Variants in CATSPERE observed in about 807,000 individuals in gnomAD.
The protein encoded by CATSPERE is cation channel sperm-associated auxiliary subunit epsilon.
Under a neutral mutation model 114.1 loss-of-function variants are expected in CATSPERE, and 93 were observed. The observed-to-expected ratio is 0.81, with a 90% CI of 0.69 to 0.97. CATSPERE has a LOEUF of 0.97. Among genes scored for constraint, CATSPERE ranks in the 50% least tolerant of loss-of-function variants. CATSPERE has a pLI of 0.00. For missense variants in CATSPERE, 1,058 were observed against 1,131.6 expected (o/e 0.93, Z 0.93); for synonymous variants, 341 against 384.1 (o/e 0.89, Z 1.31).
intron 17 of CATSPERE, among the ~76,000 whole-genome samples, chr1:244,604,546 G>C (rs990125565): frequency 3.3e-5 from 5 of 152,234 alleles, no homozygotes; most frequent in Non-Finnish European, 7.3e-5. Context: ...GATAGACACA[G>C]AGCAGTGAGT....
chr1:244,587,394 C>A (rs1426962036), intron 13 of CATSPERE, among the ~76,000 whole-genome samples: 1 of 152,206 alleles, frequency 6.6e-6, no homozygotes, highest in Non-Finnish European at 1.5e-5. Context: ...TTTTCCATAT[C>A]AAATGCCCTT....
At chr1:244,458,336 G>C (rs1486424943), upstream of CATSPERE, among the ~76,000 whole-genome samples, 1 of 151,996 alleles carries the variant, frequency 6.6e-6, no homozygotes, top group Non-Finnish European at 1.5e-5. Context: ...TAATGGTTAT[G>C]TAAAATTGTT....
At chr1:244,467,375 T>C (rs993676745) in intron 2 of CATSPERE, among the ~76,000 whole-genome samples, 2 of 152,122 alleles carry the variant, frequency 1.3e-5, no homozygotes, top group African/African-American at 4.8e-5. Flanking sequence ...AGCAAACTTA[T>C]GAAAAATTAG....
At chr1:244,497,409 A>C (rs550395371) in intron 6 of CATSPERE, among the ~76,000 whole-genome samples, 6 of 152,340 alleles carry the variant, frequency 3.9e-5, no homozygotes, top group African/African-American at 9.6e-5. Context: ...AATCCAACAA[A>C]AAAAAAATGA....
chr1:244,528,825 A>ACACACACACACACACACACT (rs1471635883), intron 8 of CATSPERE, among the ~76,000 whole-genome samples: 12 of 147,280 alleles, frequency 8.1e-5, no homozygotes, highest in African/African-American at 3.0e-4. Context: ...ACACACACAC[A>ACACACACACACACACACACT]CTCTACTCTT....
chr1:244,545,645 G>A (rs1184707475), intron 8 of CATSPERE, among the ~76,000 whole-genome samples: 2 of 152,166 alleles, frequency 1.3e-5, no homozygotes, highest in African/African-American at 4.8e-5. Context: ...TTGGGCTTTA[G>A]CAGAGACCGA....
Position 244,607,711 on chromosome 1 carries a change from G to A in CATSPERE, c.2403+1917G>A, listed in dbSNP as rs1467692267. On this transcript the variant is annotated intron_variant, in intron 18 of 21. Coordinates refer to ENST00000366534, the MANE Select transcript of CATSPERE (RefSeq NM_001130957.2). This position sits in a 1 kb window ranked among gnomAD's most constrained non-coding sequence, Gnocchi z 4.4. ...GTAGATGAGAGCTGGAATGCAAGGA[G>A]CCACTACACATTTTTAAAAGCCTTG... is the stretch of plus-strand genomic sequence containing the variant. 6.6e-6 allele frequency among the ~76,000 whole-genome samples: 1 copy of A among 152,236 alleles called. No homozygotes were observed. Among genetic ancestry groups the A allele is most frequent in the Non-Finnish European group, 1.5e-5 (1 of 68,044 alleles).
At chr1:244,543,129 T>G (rs1659133881) in intron 8 of CATSPERE, among the ~76,000 whole-genome samples, 1 of 152,188 alleles carries the variant, frequency 6.6e-6, no homozygotes, top group South Asian at 2.1e-4. Flanking sequence ...CCATCCCACT[T>G]CTAAGTGTGT....
At chr1:244,462,728 A>G (rs1667006383) in intron 1 of CATSPERE, among the ~76,000 whole-genome samples, 1 of 152,176 alleles carries the variant, frequency 6.6e-6, no homozygotes. Context: ...TATATACAGA[A>G]AATGTGTTTC....
At chr1:244,501,207 A>G (rs1033303713) in intron 7 of CATSPERE, among the ~76,000 whole-genome samples, 2 of 152,220 alleles carry the variant, frequency 1.3e-5, no homozygotes, top group African/African-American at 2.4e-5. Flanking sequence ...GGGGCTGACC[A>G]TTAAGGTGCT....
chr1:244,591,800 T>C, intron 15 of CATSPERE, 69 bp downstream of exon 15: 1 of 940,728 alleles, frequency 1.1e-6, no homozygotes, highest in Non-Finnish European at 1.7e-6. Context: ...CAATCAGTAC[T>C]TATTCAGTGG....
chr1:244,624,741 G>C (rs1159400264), intron 20 of CATSPERE, among the ~76,000 whole-genome samples: 1 of 151,998 alleles, frequency 6.6e-6, no homozygotes, highest in Non-Finnish European at 1.5e-5. Context: ...GGCAGAGGCT[G>C]CAGTGAGCCG....
At chr1:244,623,320 T>C (rs1176719743) in intron 20 of CATSPERE, among the ~76,000 whole-genome samples, 1 of 152,132 alleles carries the variant, frequency 6.6e-6, no homozygotes, top group Non-Finnish European at 1.5e-5. Context: ...TCAGGTGATC[T>C]GCCCACCTTG....
In CATSPERE at chr1:244,573,459, T is replaced by C. The variant is rs1664780393; in HGVS notation, c.1950+687T>C. Reference sequence around the variant, plus strand: ...AAACAAAACAAAAAAACCAATTCTATCCGTCAATAGTTTGGGCTGTGAGTA... The same window carrying C: ...AAACAAAACAAAAAAACCAATTCTACCCGTCAATAGTTTGGGCTGTGAGTA... On this transcript the variant is annotated intron_variant, in intron 11 of 21. Coordinates refer to ENST00000366534, the MANE Select transcript of CATSPERE (RefSeq NM_001130957.2). The surrounding 1 kb of genome is among the most constrained non-coding windows in gnomAD (Gnocchi z 4.0). Among the ~76,000 whole-genome samples the C allele has an allele frequency of 7.1e-6, 1 of 140,878 alleles. No individual in the cohort carries two copies. Among genetic ancestry groups the C allele is most frequent in the Non-Finnish European group, 1.6e-5 (1 of 64,066 alleles). 92.4% of individuals were successfully genotyped at this position (140,878 alleles called of 152,430 possible).
At chr1:244,522,639 A>T (rs995047047) in intron 8 of CATSPERE, among the ~76,000 whole-genome samples, 94 of 152,226 alleles carry the variant, frequency 6.2e-4, no homozygotes, top group Non-Finnish European at 1.2e-3. Context: ...GCAATAAAAA[A>T]TGATAAAGGG....
At chr1:244,491,776 C>T (rs199903184) in intron 6 of CATSPERE, among the ~76,000 whole-genome samples, 1 of 152,184 alleles carries the variant, frequency 6.6e-6, no homozygotes, top group Non-Finnish European at 1.5e-5. Flanking sequence ...CCACCGATCC[C>T]ATAGAAATAC....
At chr1:244,615,949 CT>C (rs1671326814) in intron 19 of CATSPERE, among the ~76,000 whole-genome samples, 1 of 49,910 alleles carries the variant, frequency 2.0e-5, no homozygotes, top group Admixed American at 1.9e-4. Context: ...CCCCCATCTC[CT>C]AAAAAAAAAA....
intron 7 of CATSPERE, among the ~76,000 whole-genome samples, chr1:244,506,534 C>A (rs1226965199): frequency 1.3e-5 from 2 of 152,184 alleles, no homozygotes; most frequent in East Asian, 3.8e-4. Context: ...GGTTCCAATT[C>A]CTCTACAGCC....
intron 17 of CATSPERE, among the ~76,000 whole-genome samples, chr1:244,597,533 T>C (rs1198662053): frequency 3.4e-5 from 2 of 59,066 alleles, no homozygotes; most frequent in Non-Finnish European, 6.4e-5. Flanking sequence ...CTCCCTGATT[T>C]CTTTTTTTTT....
Sources: allele counts gnomAD v4.1 joint callset (sites outside exome capture counted in the v4.1 genomes callset), GRCh38; gene constraint gnomAD v4.1.1; non-coding constraint Gnocchi (gnomAD v3.1); transcripts MANE v1.5; gene names NCBI Gene and HGNC (gene_info 2026-07-23, HGNC 2026-07-21).